Variants in KALRN observed in about 807,000 individuals in gnomAD.
The protein encoded by KALRN is kalirin RhoGEF kinase, also known as kalirin.
KALRN carries 70 observed loss-of-function variants against 353.7 expected under a neutral mutation model. The ratio of observed to expected loss-of-function variants is 0.20; its 90% CI spans 0.16 to 0.24. KALRN has a LOEUF of 0.24. Ranked by LOEUF, KALRN falls within the 10% of genes least tolerant of loss-of-function variation. The probability of loss-of-function intolerance (pLI) is 1.00; values close to 1 mark genes in which losing one functional copy is unlikely to be tolerated. For missense variants in KALRN, 2,791 were observed against 3,756.7 expected, an observed-to-expected ratio of 0.74 and a Z score of 6.72; for synonymous variants, 1,391 against 1,434.8, an observed-to-expected ratio of 0.97 and a Z score of 0.69.
chr3:124,614,565 C>CTTT (rs34503439), intron 34 of KALRN, among the ~76,000 whole-genome samples: 10 of 141,622 alleles, frequency 7.1e-5, no homozygotes, highest in African/African-American at 2.4e-4. Flanking sequence ...TGGCTTTTTT[C>CTTT]TTTTTTTTTT....
At position 124,455,274 on chromosome 3, in the gene KALRN, C is replaced by T. The variant is rs148828057; in HGVS notation, c.3650C>T (p.Thr1217Met). The part of the protein sequence containing the change: ...HATEIRKWVT[T>M]VDKHYRDFSL... ...ACGGAGATAAGGAAATGGGTGACCA[C>T]GGTGGACAAGCACTACAGAGATTTC... Residue 1217 changes from threonine to methionine, a missense_variant, in exon 22 of 60, where the codon ACG becomes ATG. Physicochemically the swap from Thr to Met is moderately conservative, Grantham distance 81. Coordinates refer to ENST00000682506, the MANE Select transcript of KALRN (RefSeq NM_001388419.1). 123 of 1,614,006 alleles carry T rather than the reference C, an allele frequency of 7.6e-5. No homozygotes were observed. The highest frequency in any genetic ancestry group is 5.0e-5 in the Admixed American group (3 of 60,000).
intron 5 of KALRN, among the ~76,000 whole-genome samples, chr3:124,271,024 G>C (rs2074110798): frequency 6.6e-6 from 1 of 151,812 alleles, no homozygotes; most frequent in African/African-American, 2.4e-5. Context: ...GTAGAGACGG[G>C]GTTTCACCGT....
chr3:124,062,723 A>G (rs965244242), intron 1 of KALRN, among the ~76,000 whole-genome samples: 1 of 152,186 alleles, frequency 6.6e-6, no homozygotes, highest in African/African-American at 2.4e-5. Context: ...AATGGAAGAA[A>G]GGAGAATACT....
At chr3:124,435,465 T>C (rs1384385049) in intron 17 of KALRN, among the ~76,000 whole-genome samples, 1 of 152,232 alleles carries the variant, frequency 6.6e-6, no homozygotes, top group Non-Finnish European at 1.5e-5. Flanking sequence ...TTGGGTGCTG[T>C]TAGGGAATTC....
intron 33 of KALRN, among the ~76,000 whole-genome samples, chr3:124,562,296 A>C (rs2072145341): frequency 6.6e-6 from 1 of 152,144 alleles, no homozygotes. Flanking sequence ...GAGGTGTTGC[A>C]GGGGTTAGAA....
chr3:124,697,293 G>A (rs920012899), intron 54 of KALRN, among the ~76,000 whole-genome samples: 6 of 152,190 alleles, frequency 3.9e-5, no homozygotes, highest in South Asian at 2.1e-4. Flanking sequence ...CAAATGAGAC[G>A]AGAACGAATC....
chr3:124,689,917 G>A (rs941329377), intron 51 of KALRN, among the ~76,000 whole-genome samples: 10 of 152,188 alleles, frequency 6.6e-5, no homozygotes, highest in Non-Finnish European at 1.3e-4. Flanking sequence ...GCAGTTCATG[G>A]TCAGAGACTT....
chr3:124,318,717 T>C (rs1345182628), intron 6 of KALRN, among the ~76,000 whole-genome samples: 2 of 152,178 alleles, frequency 1.3e-5, no homozygotes, highest in Admixed American at 1.3e-4. Flanking sequence ...CTATTCCTCA[T>C]GGCTTTGAGA....
At chr3:124,646,578 A>G (rs1161382130) in intron 37 of KALRN, among the ~76,000 whole-genome samples, 1 of 151,336 alleles carries the variant, frequency 6.6e-6, no homozygotes, top group Non-Finnish European at 1.5e-5. Context: ...TTTAGTAGAG[A>G]TGGGGTTTCA....
chr3:124,477,421 C>T, intron 27 of KALRN, 87 bp downstream of exon 27: 2 of 1,036,628 alleles, frequency 1.9e-6, no homozygotes, highest in South Asian at 1.4e-5. Flanking sequence ...ATTTAGCTAT[C>T]CTTTTTTCCT....
chr3:124,498,664 C>G (rs369884349), intron 33 of KALRN, among the ~76,000 whole-genome samples: 1 of 152,154 alleles, frequency 6.6e-6, no homozygotes, highest in South Asian at 2.1e-4. Flanking sequence ...TGTGTGTACA[C>G]AAAACCTAGA....
intron 57 of KALRN, among the ~76,000 whole-genome samples, chr3:124,704,746 C>T (rs553467072): frequency 6.6e-6 from 1 of 152,128 alleles, no homozygotes; most frequent in Non-Finnish European, 1.5e-5. Flanking sequence ...TACGGTATTT[C>T]ACCATGTTGC....
intron 1 of KALRN, among the ~76,000 whole-genome samples, chr3:124,124,365 T>G (rs1197174047): frequency 6.6e-6 from 1 of 152,206 alleles, no homozygotes; most frequent in African/African-American, 2.4e-5. Context: ...AATCTCATGA[T>G]GAAAATTGAA....
At chr3:124,227,561 C>G (rs2078663359) in intron 1 of KALRN, among the ~76,000 whole-genome samples, 1 of 150,900 alleles carries the variant, frequency 6.6e-6, no homozygotes, top group South Asian at 2.1e-4. Context: ...CAGATATTTC[C>G]TGAGTGCTGA....
At chr3:124,705,073 G>A (rs1284377189) in intron 57 of KALRN, among the ~76,000 whole-genome samples, 1 of 152,192 alleles carries the variant, frequency 6.6e-6, no homozygotes, top group African/African-American at 2.4e-5. Context: ...CTTGAGTATG[G>A]CGTGTTTAAC....
chr3:124,498,142 G>A (rs918130010), intron 33 of KALRN, among the ~76,000 whole-genome samples: 18 of 152,154 alleles, frequency 1.2e-4, no homozygotes, highest in Non-Finnish European at 2.2e-4. Context: ...CTGATTTTTC[G>A]TGTTTTCCCC....
At chr3:124,506,326 G>A (rs370580358) in intron 33 of KALRN, among the ~76,000 whole-genome samples, 13 of 152,092 alleles carry the variant, frequency 8.5e-5, no homozygotes, top group South Asian at 2.1e-4. Flanking sequence ...TCCTTCTCCC[G>A]CCATGTCCCA....
At chr3:124,061,458 C>G (rs896511145) in intron 1 of KALRN, among the ~76,000 whole-genome samples, 1 of 152,200 alleles carries the variant, frequency 6.6e-6, no homozygotes, top group African/African-American at 2.4e-5. Flanking sequence ...CATGCCAGGA[C>G]ACCATTCTTT....
In KALRN at chr3:124,395,334, G is replaced by A. The variant is rs138531803; in HGVS notation, c.2162G>A (p.Ser721Asn). The A allele has an allele frequency of 8.7e-6, 14 of 1,611,762 alleles. No homozygotes were observed. The highest frequency in any genetic ancestry group is 1.7e-5 in the Admixed American group (1 of 59,690). The change falls in exon 12 of 60, where the codon AGC (serine) becomes AAC (asparagine). Residue 721 changes from serine (S) to asparagine (N), a missense_variant. Physicochemically the swap from Ser to Asn is conservative, Grantham distance 46. This residue lies in a region of KALRN where 452 missense variants were observed against 575.8 expected (regional missense o/e 0.78). Transcript: ENST00000682506. ...GCGCCTCCCTCCCTCGGGGAGCCCA[G>A]CGAGGCCAGGTCAGCATGGGCAGAG... ...RSAPPSLGEP[S>N]EARDSAVSNN...
Sources: allele counts gnomAD v4.1 joint callset (sites outside exome capture counted in the v4.1 genomes callset), GRCh38; gene constraint gnomAD v4.1.1; regional missense constraint gnomAD v4.1.1; transcripts MANE v1.5; gene names NCBI Gene and HGNC (gene_info 2026-07-23, HGNC 2026-07-21).